Variants in HACE1 observed in about 807,000 individuals in gnomAD.
HACE1 encodes the protein HECT domain and ankyrin repeat containing E3 ubiquitin protein ligase 1, also known as E3 ubiquitin-protein ligase HACE1.
Under a neutral mutation model 118.4 loss-of-function variants are expected in HACE1, and 73 were observed. The observed-to-expected ratio is 0.62, with a 90% confidence interval of 0.51 to 0.75. HACE1 has a LOEUF of 0.75. Ranked by LOEUF, HACE1 falls within the 30% of genes least tolerant of loss-of-function variation. The pLI, the probability that HACE1 is intolerant of heterozygous loss-of-function variation, is 0.00. For missense variants in HACE1, 749 were observed against 1,102.2 expected (o/e 0.68, Z 4.54); for synonymous variants, 368 against 374.8 (o/e 0.98, Z 0.21).
chr6:104,844,337 C>A (rs545524710), intron 4 of HACE1, among the ~76,000 whole-genome samples: 2 of 146,064 alleles, frequency 1.4e-5, no homozygotes, highest in African/African-American at 2.5e-5. Flanking sequence ...GGTGGCCCAT[C>A]ATAAACATTT....
chr6:104,824,978 G>C (rs1347857964), intron 6 of HACE1: 1 of 151,416 alleles, frequency 6.6e-6, no homozygotes, highest in African/African-American at 2.4e-5. Flanking sequence ...AGCTACGCGG[G>C]AGGCTGAGGC....
intron 19 of HACE1, among the ~76,000 whole-genome samples, chr6:104,762,619 C>T (rs1238730728): frequency 6.6e-6 from 1 of 151,934 alleles, no homozygotes; most frequent in African/African-American, 2.4e-5. Flanking sequence ...TCATGGGTGC[C>T]ACAAACCACC....
chr6:104,851,038 T>A, intron 2 of HACE1, 42 bp from the exon 3 acceptor site: 1 of 1,142,234 alleles, frequency 8.8e-7, no homozygotes, highest in South Asian at 1.2e-5. Flanking sequence ...TAAAAAAAGT[T>A]TTTAAAAACA....
chr6:104,750,292 G>C, intron 20 of HACE1, 49 bp downstream of exon 20: 4 of 1,488,946 alleles, frequency 2.7e-6, no homozygotes, highest in Non-Finnish European at 2.8e-6. Context: ...ACATCAACTA[G>C]AGTTTTTTGT....
rs200196243 is a variant in HACE1 at position 104,801,165 on chromosome 6, GA to G, written c.618-4141del. ...CATAAAGTGAAAAGACAAGATTAGAGAAAAAAAGAGCAAAAAGAAATGAACA... is the reference window on the plus strand; with the variant it reads ...CATAAAGTGAAAAGACAAGATTAGAGAAAAAAGAGCAAAAAGAAATGAACA... On this transcript the variant is annotated intron_variant, in intron 7 of 23. Coordinates refer to ENST00000262903, the MANE Select transcript of HACE1 (RefSeq NM_020771.4). 7.7e-3 allele frequency among the ~76,000 whole-genome samples: 1,174 copies of G among 152,064 alleles called. 15 individuals are homozygous for G. Among genetic ancestry groups the G allele is most frequent in the African/African-American group, 0.025 (1,035 of 41,480 alleles).
intron 14 of HACE1, among the ~76,000 whole-genome samples, chr6:104,782,209 C>A (rs532411614): frequency 1.2e-4 from 18 of 152,216 alleles, no homozygotes; most frequent in African/African-American, 3.9e-4. Flanking sequence ...TGAACTTGTC[C>A]GGGTGTGGTG....
chr6:104,798,096 GAA>G (rs1769889677), intron 7 of HACE1, among the ~76,000 whole-genome samples: 2 of 149,166 alleles, frequency 1.3e-5, no homozygotes, highest in African/African-American at 4.9e-5. Flanking sequence ...AAGAAAGAAA[GAA>G]AAGAGAAGAA....
chr6:104,809,830 G>A (rs1462984535), intron 7 of HACE1, among the ~76,000 whole-genome samples: 1 of 151,542 alleles, frequency 6.6e-6, no homozygotes, highest in Non-Finnish European at 1.5e-5. Context: ...TATTCTGAAG[G>A]TAGAATTTAC....
intron 5 of HACE1, among the ~76,000 whole-genome samples, chr6:104,836,230 G>A (rs1353008558): frequency 6.6e-6 from 1 of 152,172 alleles, no homozygotes; most frequent in East Asian, 1.9e-4. Flanking sequence ...AGAGAGCACA[G>A]AAGTCTCCGT....
At chr6:104,851,186 C>A (rs548436264) in intron 2 of HACE1, among the ~76,000 whole-genome samples, 190 bp from the exon 3 acceptor site, 3 of 152,300 alleles carry the variant, frequency 2.0e-5, no homozygotes, top group African/African-American at 7.2e-5. Flanking sequence ...CTGGTTCAAG[C>A]AATTCTCCTG....
At chr6:104,775,323 G>A (rs1216384265) in intron 17 of HACE1, among the ~76,000 whole-genome samples, 1 of 151,988 alleles carries the variant, frequency 6.6e-6, no homozygotes, top group Admixed American at 6.6e-5. Context: ...GGTCAAGGCT[G>A]CAGTGATCCA....
intron 6 of HACE1, among the ~76,000 whole-genome samples, chr6:104,832,222 T>A (rs1774067696): frequency 6.6e-6 from 1 of 152,078 alleles, no homozygotes; most frequent in African/African-American, 2.4e-5. Flanking sequence ...TTGCTAAAAC[T>A]GAGAACAGAA....
intron 1 of HACE1, among the ~76,000 whole-genome samples, chr6:104,857,244 G>A (rs892406025): frequency 2.0e-5 from 3 of 149,218 alleles, no homozygotes; most frequent in Admixed American, 6.7e-5. Flanking sequence ...ATACTTTAAA[G>A]AGCCAAGCTC....
intron 1 of HACE1, among the ~76,000 whole-genome samples, chr6:104,857,204 T>TATATATTTAC (rs773136742): frequency 1.8e-5 from 2 of 109,132 alleles, no homozygotes; most frequent in Non-Finnish European, 4.2e-5. Context: ...TATATTTACA[T>TATATATTTAC]ATATATATAT....
intron 6 of HACE1, among the ~76,000 whole-genome samples, chr6:104,831,981 A>AAGAGAAG (rs1562471134): frequency 2.3e-5 from 1 of 44,278 alleles, no homozygotes; most frequent in African/African-American, 1.1e-4. Flanking sequence ...AAGAGAAGAG[A>AAGAGAAG]GGAAGGAAGG....
chr6:104,829,417 T>G (rs192464809), intron 6 of HACE1, among the ~76,000 whole-genome samples: 90 of 152,230 alleles, frequency 5.9e-4, no homozygotes, highest in Non-Finnish European at 1.1e-3. Flanking sequence ...ACAGGCAGTA[T>G]TAGCACAACT....
At chr6:104,840,543 G>C (rs572715492) in intron 5 of HACE1, among the ~76,000 whole-genome samples, 2 of 152,250 alleles carry the variant, frequency 1.3e-5, no homozygotes, top group East Asian at 3.9e-4. Context: ...AAATAGCTGA[G>C]AGAGGCCCGT....
Position 104,859,768 on chromosome 6 carries a change from C to A in HACE1, c.-126G>T. 2.2e-6 allele frequency: 2 copies of A among 896,438 alleles called. No homozygotes were observed. Among genetic ancestry groups the A allele is most frequent in the Middle Eastern group, 3.3e-4 (1 of 3,010 alleles). 55.5% of individuals were successfully genotyped at this position (896,438 alleles called of 1,614,324 possible). A position where few individuals can be genotyped will look rare whatever the true frequency, so the allele number is the denominator to read the frequency against. ...ACGCGGGCTTGCCCCGGCTAGAGCA[C>A]TGAGCTGCGAGGGCTGCCTGGGGCC... On this transcript the variant is annotated 5_prime_UTR_variant, in exon 1 of 24. Transcript: ENST00000262903.
At chr6:104,735,132 A>T (rs1178627367) in intron 22 of HACE1, among the ~76,000 whole-genome samples, 5 of 152,150 alleles carry the variant, frequency 3.3e-5, no homozygotes, top group Non-Finnish European at 7.4e-5. Context: ...ACCGTAATTT[A>T]AAACTTTCAA....
Sources: gnomAD v4.1 joint callset for allele counts (sites outside exome capture counted in the v4.1 genomes callset) on GRCh38, gnomAD v4.1.1 for gene constraint, MANE v1.5 for transcripts, NCBI Gene and HGNC (gene_info 2026-07-23, HGNC 2026-07-21) for gene names.